Variants in MKNK1 observed in about 807,000 individuals in gnomAD.
MKNK1 encodes the protein MAP kinase-interacting serine/threonine-protein kinase 1.
In MKNK1, 30 loss-of-function variants were observed where a neutral mutation model predicts 49.3. The observed-to-expected ratio is 0.61, with a 90% confidence interval of 0.46 to 0.83. MKNK1 has a LOEUF of 0.83. Ranked by LOEUF, MKNK1 falls within the 40% of genes least tolerant of loss-of-function variation. MKNK1 has a pLI of 0.00. For missense variants in MKNK1, 423 were observed against 524.7 expected (o/e 0.81, Z 1.89); for synonymous variants, 176 against 201.7 (o/e 0.87, Z 1.08).
In MKNK1 at chr1:46,558,474, A is replaced by G; in HGVS notation, c.*101T>C. ...GATGAAAAAGCCTGAATGGAGCCAC[A>G]GAGCAGAGGCTGCTGCCTGCTCAGC... On this transcript the variant is annotated 3_prime_UTR_variant, in exon 13 of 13. Coordinates refer to ENST00000371945, the MANE Select transcript of MKNK1 (RefSeq NM_001135553.4). 1 of 1,204,404 alleles carries G rather than the reference A, an allele frequency of 8.3e-7. No individual in the cohort carries two copies. Among genetic ancestry groups the G allele is most frequent in the South Asian group, 1.6e-5 (1 of 62,940 alleles). 74.6% of individuals were successfully genotyped at this position (1,204,404 alleles called of 1,614,324 possible).
At chr1:46,575,138 A>C in intron 5 of MKNK1, 118 bp from the exon 6 acceptor site, 3 of 645,118 alleles carry the variant, frequency 4.7e-6, no homozygotes, top group East Asian at 2.8e-5. Flanking sequence ...GGCAGAAACC[A>C]ACTTGAAATC....
chr1:46,560,172 C>T, intron 12 of MKNK1, 62 bp downstream of exon 12: 4 of 1,582,008 alleles, frequency 2.5e-6, no homozygotes, highest in Admixed American at 1.7e-5. Flanking sequence ...CCCCGGCCCC[C>T]ACCCCCATGG....
chr1:46,595,096 C>G (rs1673889248), intron 1 of MKNK1: 1 of 166,016 alleles, frequency 6.0e-6, no homozygotes. Context: ...ATGCTGAGAG[C>G]AGGAGGTGGC....
intron 2 of MKNK1, among the ~76,000 whole-genome samples, chr1:46,592,645 CAAGG>C (rs1464721840): frequency 2.0e-5 from 3 of 152,014 alleles, no homozygotes; most frequent in African/African-American, 7.2e-5. Context: ...GCAGGGAGAG[CAAGG>C]AAGAGGAGGT....
rs754129607 is a variant in MKNK1 at position 46,594,266 on chromosome 1, C to T, written c.-156G>A. On this transcript the variant is annotated 5_prime_UTR_variant, in exon 2 of 13. Transcript: ENST00000371945. Reference sequence around the variant, plus strand: ...TGGCAATCTTCAGTTCTCCATCGGCCTCTGACATGGAAACCTTGAAAAAGC... The same window carrying T: ...TGGCAATCTTCAGTTCTCCATCGGCTTCTGACATGGAAACCTTGAAAAAGC... 1.3e-6 allele frequency: 1 copy of T among 791,796 alleles called. No individual in the cohort carries two copies. The highest frequency in any genetic ancestry group is 1.4e-5 in the South Asian group (1 of 73,530). 49.0% of individuals were successfully genotyped at this position (791,796 alleles called of 1,614,324 possible).
chr1:46,599,011 T>C (rs1674408063), intron 1 of MKNK1, among the ~76,000 whole-genome samples: 1 of 152,176 alleles, frequency 6.6e-6, no homozygotes, highest in South Asian at 2.1e-4. Context: ...TGAGCTAATG[T>C]ATATGGAGCT....
intron 8 of MKNK1, among the ~76,000 whole-genome samples, chr1:46,567,932 C>A (rs1669360754): frequency 6.6e-6 from 1 of 152,148 alleles, no homozygotes; most frequent in South Asian, 2.1e-4. Flanking sequence ...ACCAGCCTGG[C>A]TAACATGGTG....
chr1:46,576,290 A>G (rs1320031221), intron 5 of MKNK1: 1 of 345,116 alleles, frequency 2.9e-6, no homozygotes, highest in Non-Finnish European at 5.4e-6. Flanking sequence ...ACCGAAAGAA[A>G]TAAAACCCCA....
chr1:46,601,396 G>A (rs1674715573), intron 1 of MKNK1, among the ~76,000 whole-genome samples: 1 of 152,194 alleles, frequency 6.6e-6, no homozygotes, highest in Non-Finnish European at 1.5e-5. Flanking sequence ...ATAGCTGCTG[G>A]TCCCCAGATG....
chr1:46,588,807 C>CAAAA (rs35556956), intron 2 of MKNK1, among the ~76,000 whole-genome samples: 2,455 of 71,232 alleles, frequency 0.034, 68 homozygotes, highest in African/African-American at 0.12. Flanking sequence ...GACTCCGTCT[C>CAAAA]AAAAAAAAAA....
At chr1:46,575,779 C>T (rs1000097993) in intron 5 of MKNK1, 5 of 152,028 alleles carry the variant, frequency 3.3e-5, no homozygotes, top group African/African-American at 1.2e-4. Flanking sequence ...AAAATCTGTC[C>T]CTCATAAAAA....
chr1:46,597,330 C>T (rs997227077), intron 1 of MKNK1, among the ~76,000 whole-genome samples: 1 of 149,954 alleles, frequency 6.7e-6, no homozygotes, highest in African/African-American at 2.5e-5. Context: ...ACCATGTATA[C>T]AAACAAAAGA....
intron 2 of MKNK1, chr1:46,585,827 C>T (rs781417374): frequency 8.1e-5 from 83 of 1,019,636 alleles, no homozygotes; most frequent in Non-Finnish European, 1.0e-4. Flanking sequence ...CCACCGCACA[C>T]GTAACATTAG....
rs765426082 is a variant in MKNK1, at chr1:46,561,513, C to T, written c.934G>A (p.Ala312Thr). Residue 312 changes from alanine to threonine, a missense_variant, in exon 11 of 13, where the codon GCC (alanine) becomes ACC (threonine). Coordinates refer to ENST00000371945, the MANE Select transcript of MKNK1 (RefSeq NM_001135553.4). ...LVRDAKQRLSAAQVLQHPWVQ... is the reference protein window; with the variant it reads ...LVRDAKQRLSTAQVLQHPWVQ... ...CATGGGTGCTGCAGAACTTGGGCGG[C>T]GCTAAGTCTCTGCTTTGCATCTCGC... The T allele has an allele frequency of 3.3e-5, 53 of 1,613,816 alleles. No homozygotes were observed. The highest frequency in any genetic ancestry group is 4.4e-5 in the South Asian group (4 of 91,064).
chr1:46,565,346 A>C, intron 8 of MKNK1: 1 of 574,414 alleles, frequency 1.7e-6, no homozygotes, highest in Non-Finnish European at 3.1e-6. Context: ...TTCCCATCTA[A>C]GGGAAAAATG....
chr1:46,568,413 C>A (rs754777775), intron 8 of MKNK1, 30 bp downstream of exon 8: 33 of 1,610,290 alleles, frequency 2.0e-5, no homozygotes, highest in Non-Finnish European at 2.7e-5. Context: ...TAAGTATAAA[C>A]TATAACATTC....
At chr1:46,584,989 G>A (rs1437096678) in intron 2 of MKNK1, among the ~76,000 whole-genome samples, 5 of 152,108 alleles carry the variant, frequency 3.3e-5, no homozygotes, top group Admixed American at 1.3e-4. Flanking sequence ...CATGGCTCAC[G>A]CCTGTAATCC....
intron 2 of MKNK1, chr1:46,584,837 AT>A (rs1672278396): frequency 6.6e-6 from 1 of 152,222 alleles, no homozygotes; most frequent in South Asian, 2.1e-4. Flanking sequence ...ATAGTTTAGA[AT>A]GGGGAACAGA....
intron 7 of MKNK1, among the ~76,000 whole-genome samples, chr1:46,570,517 A>G (rs1031565440): frequency 1.3e-5 from 2 of 152,220 alleles, no homozygotes; most frequent in African/African-American, 4.8e-5. Flanking sequence ...AGGTGGGGTC[A>G]ATGAACCTGA....
Sources: gnomAD v4.1 joint callset for allele counts (sites outside exome capture counted in the v4.1 genomes callset) on GRCh38, gnomAD v4.1.1 for gene constraint, MANE v1.5 for transcripts, NCBI Gene and HGNC (gene_info 2026-07-23, HGNC 2026-07-21) for gene names.